Variants in PCBP2 observed in about 807,000 individuals in gnomAD.
The protein encoded by PCBP2 is poly(rC)-binding protein 2.
Under a neutral mutation model 50.1 loss-of-function variants are expected in PCBP2, and 4 were observed. The ratio of observed to expected loss-of-function variants is 0.08; its 90% CI spans 0.04 to 0.18. The LOEUF is 0.18. Ranked by LOEUF, PCBP2 falls within the 10% of genes least tolerant of loss-of-function variation. The pLI, the probability that PCBP2 is intolerant of heterozygous loss-of-function variation, is 1.00. For synonymous variants in PCBP2, 179 were observed against 168.0 expected (o/e 1.07, Z -0.51); for missense variants, 161 against 474.3 (o/e 0.34, Z 6.14).
chr12:53,473,304 C>T (rs1001987511), intron 14 of PCBP2, among the ~76,000 whole-genome samples: 6 of 151,546 alleles, frequency 4.0e-5, no homozygotes, highest in Non-Finnish European at 5.9e-5. Flanking sequence ...AGGATGGCCT[C>T]GATCTTTTGA....
Position 53,479,671 on chromosome 12 carries a change from G to GTTTTTTTTTTTTTTGTT in PCBP2, c.*241_*242insTTGTTTTTTTTTTTTTT. The GTTTTTTTTTTTTTTGTT allele has an allele frequency of 2.0e-5, 4 of 202,196 alleles. No homozygotes were observed. The highest frequency in any genetic ancestry group is 6.8e-5 in the Admixed American group (1 of 14,812). The allele number at this position is 202,196 out of a possible 1,614,324, so 12.5% of individuals were successfully genotyped here. On this transcript the variant is annotated 3_prime_UTR_variant, in exon 15 of 15. Transcript: ENST00000546463. ...ATTTAGTTTTATAAGCTTCTCCCTG[G>GTTTTTTTTTTTTTTGTT]TTTTTTTTTTTTGGCTCATGAATTT... is the stretch of plus-strand genomic sequence containing the variant.
chr12:53,461,623 A>G (rs1030181169), intron 7 of PCBP2, among the ~76,000 whole-genome samples: 4 of 152,194 alleles, frequency 2.6e-5, no homozygotes, highest in Non-Finnish European at 1.5e-5. Flanking sequence ...CTATTATTCT[A>G]TTAAAAGAAT....
chr12:53,456,093 C>A, intron 5 of PCBP2, 92 bp downstream of exon 5: 2 of 801,760 alleles, frequency 2.5e-6, no homozygotes, highest in Non-Finnish European at 4.3e-6. Flanking sequence ...CAAGGACACA[C>A]TGGACCTTGA....
At position 53,456,167 on chromosome 12, in the gene PCBP2, T is replaced by G. The variant is rs1940992491; in HGVS notation, c.243+166T>G. 18 of 629,578 alleles carry G rather than the reference T, an allele frequency of 2.9e-5. No individual in the cohort carries two copies. In the South Asian group the frequency reaches 3.1e-4, roughly 11 times the overall value. 39.0% of individuals were successfully genotyped at this position (629,578 alleles called of 1,614,324 possible). On this transcript the variant is annotated intron_variant, in intron 5 of 14. Coordinates refer to ENST00000546463, the MANE Select transcript of PCBP2 (RefSeq NM_031989.5). ...CCACAAAATTCGAGCATTTGTAGTT[T>G]AAAAAAGAGTCACTTGAGGCTGGGC...
intron 8 of PCBP2, 138 bp from the exon 9 acceptor site, chr12:53,464,622 C>A: frequency 1.7e-6 from 2 of 1,191,142 alleles, no homozygotes; most frequent in Non-Finnish European, 2.3e-6. Context: ...CTGATTACAG[C>A]TCGTTTCAAA....
intron 10 of PCBP2, 66 bp from the exon 11 acceptor site, chr12:53,467,155 T>G (rs1941881761): frequency 7.9e-7 from 1 of 1,258,714 alleles, no homozygotes; most frequent in Non-Finnish European, 1.1e-6. Context: ...ATTTTCAAAT[T>G]CGAATGTGCT....
Position 53,454,775 on chromosome 12 carries a change from T to C in PCBP2, c.-26T>C. ...TGACCAAAGACTTGACCACTCAAAG[T>C]CCAGCTCCCCAGAACACTGCTCGAC... is the stretch of plus-strand genomic sequence containing the variant. On this transcript the variant is annotated 5_prime_UTR_variant, in exon 2 of 15. Coordinates refer to ENST00000546463, the MANE Select transcript of PCBP2 (RefSeq NM_031989.5). 1.2e-6 allele frequency: 2 copies of C among 1,610,186 alleles called. No homozygotes were observed. Among genetic ancestry groups the C allele is most frequent in the Non-Finnish European group, 1.7e-6 (2 of 1,176,492 alleles).
chr12:53,460,339 CTCA>C (rs1941366632), intron 6 of PCBP2: 2 of 365,002 alleles, frequency 5.5e-6, no homozygotes, highest in Non-Finnish European at 1.1e-5. Flanking sequence ...AGAGACGAGT[CTCA>C]CTGTTTTGCT....
In PCBP2 at chr12:53,456,018, TC is replaced by T. The variant is rs1421222344; in HGVS notation, c.243+20del. On this transcript the variant is annotated intron_variant, in intron 5 of 14. Transcript: ENST00000546463. ...CTGGAAGAGGTTTGTTGTCTCCCAC[TC>T]CCTCATTCTTCATTTTTAAGTGCTT... The T allele has an allele frequency of 3.6e-6, 5 of 1,396,982 alleles. No individual in the cohort carries two copies. Among genetic ancestry groups the T allele is most frequent in the East Asian group, 4.6e-5 (2 of 43,890 alleles). 86.5% of individuals were successfully genotyped at this position (1,396,982 alleles called of 1,614,324 possible). A position where few individuals can be genotyped will look rare whatever the true frequency, so the allele number is the denominator to read the frequency against.
At chr12:53,464,717 G>A (rs374817526) in intron 8 of PCBP2, 43 bp from the exon 9 acceptor site, 32 of 1,596,942 alleles carry the variant, frequency 2.0e-5, no homozygotes, top group South Asian at 2.3e-5. Flanking sequence ...ACAAGGTGCC[G>A]GATTGACAGC....
At chr12:53,468,396 G>A (rs1941966700) in intron 12 of PCBP2, 1 of 252,124 alleles carries the variant, frequency 4.0e-6, no homozygotes, top group East Asian at 1.0e-4. Context: ...TGGCACTGGT[G>A]CTAGTGAGCA....
At chr12:53,461,178 G>A in intron 7 of PCBP2, 35 bp downstream of exon 7, 1 of 1,609,022 alleles carries the variant, frequency 6.2e-7, no homozygotes, top group South Asian at 1.1e-5. Context: ...AATGGGGGGA[G>A]GGCCATTCTG....
intron 10 of PCBP2, 120 bp from the exon 11 acceptor site, chr12:53,467,101 T>G (rs1303842306): frequency 1.4e-6 from 1 of 692,442 alleles, no homozygotes; most frequent in Non-Finnish European, 2.6e-6. Context: ...CTACCCTCTG[T>G]TGTAGTTTGA....
chr12:53,452,587 C>T (rs996696466), intron 1 of PCBP2, among the ~76,000 whole-genome samples: 5 of 151,634 alleles, frequency 3.3e-5, no homozygotes, highest in Non-Finnish European at 7.4e-5. Flanking sequence ...ATTCCCCCCT[C>T]CCCCCGCCTT....
intron 13 of PCBP2, among the ~76,000 whole-genome samples, chr12:53,470,619 CCTG>C (rs1942158412): frequency 6.6e-6 from 1 of 151,838 alleles, no homozygotes; most frequent in African/African-American, 2.4e-5. Context: ...CCATGAAACT[CCTG>C]AACGCAAGTG....
At position 53,481,069 on chromosome 12, in the gene PCBP2, C is replaced by A. The variant is rs375190621; in HGVS notation, c.*1627C>A. The A allele has an allele frequency of 2.1e-5, 8 of 377,628 alleles. No homozygotes were observed. Among genetic ancestry groups the A allele is most frequent in the African/African-American group, 1.5e-4 (7 of 45,570 alleles). 23.4% of individuals were successfully genotyped at this position (377,628 alleles called of 1,614,324 possible). A position where few individuals can be genotyped will look rare whatever the true frequency, so the allele number is the denominator to read the frequency against. On this transcript the variant is annotated 3_prime_UTR_variant, in exon 15 of 15. Transcript: ENST00000546463. ...ATCAGTCTCCCTCGAGCCTGACTTA[C>A]GGCTGGGACAGCCCCATCTTTCTGT...
intron 7 of PCBP2, 72 bp downstream of exon 7, chr12:53,461,215 G>A: frequency 2.6e-6 from 4 of 1,537,784 alleles, no homozygotes; most frequent in Non-Finnish European, 3.6e-6. Flanking sequence ...TCTATATTTA[G>A]TAAGACTAGA....
At chr12:53,461,169 A>G (rs561909969) in intron 7 of PCBP2, 26 bp downstream of exon 7, 12 of 1,612,184 alleles carry the variant, frequency 7.4e-6, no homozygotes, top group Admixed American at 6.7e-5. Context: ...CATGCTGAAA[A>G]TGGGGGGAGG....
At chr12:53,456,708 A>G (rs548983238) in intron 5 of PCBP2, among the ~76,000 whole-genome samples, 12 of 152,320 alleles carry the variant, frequency 7.9e-5, no homozygotes, top group African/African-American at 2.6e-4. Context: ...GGAGAGACCT[A>G]GGTTATCAGA....
Sources: allele counts gnomAD v4.1 joint callset (sites outside exome capture counted in the v4.1 genomes callset), GRCh38; gene constraint gnomAD v4.1.1; transcripts MANE v1.5; gene names NCBI Gene and HGNC (gene_info 2026-07-23, HGNC 2026-07-21).